The following SNED1 variants were observed in gnomAD, a reference collection of about 807,000 sequenced individuals.
The protein encoded by SNED1 is sushi, nidogen and EGF like domains 1, also known as sushi, nidogen and EGF-like domain-containing protein 1.
A neutral mutation model predicts 166.7 loss-of-function variants in SNED1; 81 were observed. That is an observed-to-expected ratio of 0.49 (90% CI 0.41 to 0.58). The LOEUF (loss-of-function observed/expected upper bound fraction) is 0.58, where lower values mean the gene tolerates loss of function less well. Ranked by LOEUF, SNED1 falls within the 20% of genes least tolerant of loss-of-function variation. SNED1 has a pLI of 0.00. For missense variants in SNED1, 1,604 were observed against 2,000.2 expected, an observed-to-expected ratio of 0.80 and a Z score of 3.78; for synonymous variants, 762 against 822.0, an observed-to-expected ratio of 0.93 and a Z score of 1.25.
Position 241,030,358 on chromosome 2 carries a change from G to T in SNED1, c.288G>T (p.Lys96Asn). The change falls in exon 2 of 32, where the codon AAG (lysine) becomes AAT (asparagine). Residue 96 changes from lysine (K) to asparagine (N), a missense_variant. Physicochemically the swap from Lys to Asn is moderately conservative, Grantham distance 94. Transcript: ENST00000310397. ...QFTPVAFPIA[K>N]DRCVVAAFWA... The stretch of plus-strand genomic sequence containing the variant: ...CCCCAGTGGCCTTCCCCATTGCCAA[G>T]GACCGCTGCGTGGTGGCAGCCTTCT... 1 of 1,610,746 alleles carries T rather than the reference G, an allele frequency of 6.2e-7. No individual in the cohort carries two copies. Among genetic ancestry groups the T allele is most frequent in the South Asian group, 1.1e-5 (1 of 90,302 alleles).
rs958544555 is a variant in SNED1 at position 241,094,741 on chromosome 2, C to A, written c.*3105C>A. 1 of 189,382 alleles carries A rather than the reference C, an allele frequency of 5.3e-6. No individual in the cohort carries two copies. Among genetic ancestry groups the A allele is most frequent in the Non-Finnish European group, 1.1e-5 (1 of 89,958 alleles). The allele number at this position is 189,382 out of a possible 1,614,324, so 11.7% of individuals were successfully genotyped here. A position where few individuals can be genotyped will look rare whatever the true frequency, so the allele number is the denominator to read the frequency against. ...GTGCACTGCAGGATGTTTCACAGCA[C>A]CCCTGGCCTCTACCCACTAGAATCC... is the stretch of plus-strand genomic sequence containing the variant. On this transcript the variant is annotated 3_prime_UTR_variant, in exon 32 of 32. Coordinates refer to ENST00000310397, the MANE Select transcript of SNED1 (RefSeq NM_001080437.3). The surrounding 1 kb of genome is among the most constrained non-coding windows in gnomAD (Gnocchi z 4.3).
Position 241,089,420 on chromosome 2 carries a change from A to AAAAC in SNED1, c.*1+1020_*1+1023dup, listed in dbSNP as rs774998438. The AAAAC allele has an allele frequency of 2.6e-6, 4 of 1,550,058 alleles. No individual in the cohort carries two copies. In the Middle Eastern group the frequency reaches 5.0e-4, roughly 194 times the overall value. Reference sequence around the variant, plus strand: ...GGAACCTTTAAAAACAAACAGAAGCAAAACAGCTTTTCAGATATAGGCTCA... The same window carrying AAAAC: ...GGAACCTTTAAAAACAAACAGAAGCAAAACAAACAGCTTTTCAGATATAGGCTCA... On this transcript the variant is annotated intron_variant, in intron 31 of 31. Coordinates refer to ENST00000310397, the MANE Select transcript of SNED1 (RefSeq NM_001080437.3).
intron 28 of SNED1, 28 bp from the exon 29 acceptor site, chr2:241,082,249 G>A: frequency 1.3e-6 from 2 of 1,573,752 alleles, no homozygotes; most frequent in Non-Finnish European, 1.7e-6. Context: ...AGGAGCACCT[G>A]GTGAGCCACT....
At chr2:241,002,126 C>T (rs2060094699) in intron 1 of SNED1, among the ~76,000 whole-genome samples, 1 of 152,148 alleles carries the variant, frequency 6.6e-6, no homozygotes, top group Non-Finnish European at 1.5e-5. Flanking sequence ...GTCATTTCCT[C>T]CCTGAGCCTC....
chr2:241,073,483 AG>A lies in SNED1; in HGVS notation c.3916+123del. The A allele has an allele frequency of 6.0e-6, 5 of 838,338 alleles. No homozygotes were observed. Among genetic ancestry groups the A allele is most frequent in the Non-Finnish European group, 9.9e-6 (5 of 502,532 alleles). 51.9% of individuals were successfully genotyped at this position (838,338 alleles called of 1,614,324 possible). ...AATCAGGAGGCACAGAGCCTACCTG[AG>A]GGGAGGCTGAGCACCAGGCACCCCG... On this transcript the variant is annotated intron_variant, in intron 27 of 31. Transcript: ENST00000310397. The surrounding 1 kb of genome is among the most constrained non-coding windows in gnomAD (Gnocchi z 6.6).
chr2:241,020,811 TTGGACTCCACAC>T (rs1353443588), intron 1 of SNED1, among the ~76,000 whole-genome samples: 1 of 152,196 alleles, frequency 6.6e-6, no homozygotes, highest in Non-Finnish European at 1.5e-5. Context: ...TTCCCTTCTC[TTGGACTCCACAC>T]TGTTTCTGCA....
At chr2:241,089,407 A>G in intron 31 of SNED1, 1 of 1,550,462 alleles carries the variant, frequency 6.4e-7, no homozygotes, top group East Asian at 2.4e-5. Flanking sequence ...AACCTTTAAA[A>G]ACAAACAGAA....
intron 1 of SNED1, among the ~76,000 whole-genome samples, chr2:241,003,941 T>C (rs2060144805): frequency 6.6e-6 from 1 of 152,284 alleles, no homozygotes; most frequent in African/African-American, 2.4e-5. Context: ...CTCTGGTTTC[T>C]GATGAGCCCT....
rs16843211 is a variant in SNED1, at chr2:241,048,975, T to C, written c.1505-47T>C. The C allele has an allele frequency of 0.022, 32,953 of 1,514,686 alleles. 3,243 individuals are homozygous for C. The East Asian group carries it at 0.22, about 10-fold the overall frequency. 93.8% of individuals were successfully genotyped at this position (1,514,686 alleles called of 1,614,324 possible). ...TCCTTGACAAGGACTCGAGGTCTGC[T>C]GGAAGACATGTGGAATATGGGATGG... On this transcript the variant is annotated intron_variant, in intron 10 of 31. Transcript: ENST00000310397.
intron 24 of SNED1, chr2:241,071,263 C>T: frequency 2.2e-6 from 1 of 456,452 alleles, no homozygotes; most frequent in Non-Finnish European, 4.0e-6. Flanking sequence ...AGCCCGAGTG[C>T]CCAGCCCCTT....
chr2:241,054,175 C>A (rs903845203), intron 16 of SNED1, among the ~76,000 whole-genome samples: 10 of 152,276 alleles, frequency 6.6e-5, no homozygotes, highest in South Asian at 2.1e-4. Context: ...GATGACCCCC[C>A]CTCCCAATGC....
intron 12 of SNED1, 93 bp downstream of exon 12, chr2:241,050,026 T>C: frequency 1.1e-6 from 1 of 946,222 alleles, no homozygotes; most frequent in Non-Finnish European, 1.7e-6. Context: ...TCTCCTTGTT[T>C]CGCGAATTGC....
intron 1 of SNED1, among the ~76,000 whole-genome samples, chr2:241,002,875 T>C (rs1299918261): frequency 1.3e-5 from 2 of 151,616 alleles, no homozygotes; most frequent in African/African-American, 4.8e-5. Context: ...AATGCCTCCC[T>C]CCTCTCCCTC....
At chr2:241,004,888 GT>G (rs576136668) in intron 1 of SNED1, among the ~76,000 whole-genome samples, 1 of 151,698 alleles carries the variant, frequency 6.6e-6, no homozygotes, top group Non-Finnish European at 1.5e-5. Context: ...CACCTAGCTA[GT>G]TTTTTTTATT....
intron 16 of SNED1, among the ~76,000 whole-genome samples, chr2:241,061,055 T>A (rs924485575): frequency 2.0e-5 from 3 of 152,134 alleles, no homozygotes; most frequent in African/African-American, 7.2e-5. Context: ...ATGATGAACA[T>A]ACTTGACCAT....
chr2:241,079,543 CTAAA>C (rs2063226086), intron 27 of SNED1, among the ~76,000 whole-genome samples: 1 of 152,024 alleles, frequency 6.6e-6, no homozygotes, highest in African/African-American at 2.4e-5. Flanking sequence ...AGATGGTTCA[CTAAA>C]TGAGGAGGGA....
At chr2:241,048,623 C>T (rs370584483) in intron 9 of SNED1, 39 bp from the exon 10 acceptor site, 3 of 1,552,168 alleles carry the variant, frequency 1.9e-6, no homozygotes, top group Non-Finnish European at 1.8e-6. Context: ...CATCTTTCTG[C>T]GCCCCCACAT....
At chr2:241,047,672 T>G (rs2061688783) in intron 8 of SNED1, among the ~76,000 whole-genome samples, 1 of 152,268 alleles carries the variant, frequency 6.6e-6, no homozygotes, top group South Asian at 2.1e-4. Context: ...TAGGGATGCC[T>G]GACCAGAAAC....
At chr2:241,003,601 C>T (rs1042675694) in intron 1 of SNED1, among the ~76,000 whole-genome samples, 2 of 152,228 alleles carry the variant, frequency 1.3e-5, no homozygotes, top group African/African-American at 4.8e-5. Flanking sequence ...CCTCAGCCCA[C>T]AGCCGACTCC....
Sources: gnomAD v4.1 joint callset for allele counts (sites outside exome capture counted in the v4.1 genomes callset) on GRCh38, gnomAD v4.1.1 for gene constraint, Gnocchi (gnomAD v3.1) non-coding constraint, MANE v1.5 for transcripts, NCBI Gene and HGNC (gene_info 2026-07-23, HGNC 2026-07-21) for gene names.